Variants in PCDHA3 observed in about 807,000 individuals in gnomAD.
The protein encoded by PCDHA3 is protocadherin alpha-3.
PCDHA3 carries 41 observed loss-of-function variants against 62.2 expected under a neutral mutation model. That is an observed-to-expected ratio of 0.66 (90% CI 0.51 to 0.86). PCDHA3 has a LOEUF of 0.86. Among genes scored for constraint, PCDHA3 ranks in the 40% least tolerant of loss-of-function variants. PCDHA3 has a pLI of 0.00. For synonymous variants in PCDHA3, 640 were observed against 555.4 expected (o/e 1.15, Z -2.14); for missense variants, 1,304 against 1,241.2 (o/e 1.05, Z -0.76).
At chr5:140,858,173 C>G (rs782491809) in intron 1 of PCDHA3, 1 of 1,597,720 alleles carries the variant, frequency 6.3e-7, no homozygotes, top group Admixed American at 1.7e-5. Context: ...GTCCAGCTTG[C>G]TGGTGCTCAC....
At chr5:140,882,267 C>A in intron 1 of PCDHA3, 1 of 1,610,288 alleles carries the variant, frequency 6.2e-7, no homozygotes, top group Non-Finnish European at 8.5e-7. Context: ...TTGGAGTGTA[C>A]CATGCTGTCT....
intron 1 of PCDHA3, among the ~76,000 whole-genome samples, chr5:140,964,804 G>A (rs1484818069): frequency 6.6e-6 from 1 of 152,012 alleles, no homozygotes; most frequent in African/African-American, 2.4e-5. Context: ...CAAGAAAGGA[G>A]ACAGGAATAG....
chr5:140,843,295 G>A lies in PCDHA3; in HGVS notation c.2394+39704G>A, dbSNP rs2150356733. On this transcript the variant is annotated intron_variant, in intron 1 of 3. Transcript: ENST00000522353. ...TGGTGAAGGATCATGGTGAACCTGC[G>A]CTGACCGCCACGGCCACGGTTCTGG... is the stretch of plus-strand genomic sequence containing the variant. 8.4e-5 allele frequency: 134 copies of A among 1,595,834 alleles called. 14 individuals are homozygous for A. In the Admixed American group the frequency reaches 2.2e-3, roughly 27 times the overall value.
rs116072877 is a variant in PCDHA3 at position 140,927,686 on chromosome 5, A to G, written c.2395-51263A>G. On this transcript the variant is annotated intron_variant, in intron 1 of 3. Transcript: ENST00000522353. ...GCCTTGGATCCAGATGAAGGGTCCA[A>G]TGGGGAAGTCCAGTACTCCCTAAGC... 796 of 1,614,196 alleles carry G rather than the reference A, an allele frequency of 4.9e-4. 3 individuals carry two copies. The African/African-American group carries it at 7.7e-3, about 16-fold the overall frequency.
chr5:140,877,676 G>T (rs781985023), intron 1 of PCDHA3: 1 of 1,613,606 alleles, frequency 6.2e-7, no homozygotes, highest in South Asian at 1.1e-5. Context: ...TGCGCGCCGG[G>T]CAAGCCCACG....
In PCDHA3 at chr5:140,952,684, C is replaced by T. The variant is rs1165956619; in HGVS notation, c.2395-26265C>T. On this transcript the variant is annotated intron_variant, in intron 1 of 3. Coordinates refer to ENST00000522353, the MANE Select transcript of PCDHA3 (RefSeq NM_018906.3). The stretch of plus-strand genomic sequence containing the variant: ...AAAGTCACTTTCACATTTTCAGGAT[C>T]TTTATAGCAATATCCCACTCTCAGT... Among the ~76,000 whole-genome samples the T allele has an allele frequency of 2.0e-5, 3 of 152,308 alleles. No individual in the cohort carries two copies. The East Asian group carries it at 5.8e-4, about 29-fold the overall frequency.
intron 1 of PCDHA3, chr5:140,928,185 C>CA: frequency 1.2e-6 from 2 of 1,614,184 alleles, no homozygotes; most frequent in Non-Finnish European, 1.7e-6. Context: ...GAAGGACAAT[C>CA]ACTGTGTCAG....
intron 1 of PCDHA3, among the ~76,000 whole-genome samples, chr5:140,845,118 T>C (rs1779705774): frequency 6.7e-6 from 1 of 149,786 alleles, no homozygotes; most frequent in Non-Finnish European, 1.5e-5. Flanking sequence ...TGTCCATGTT[T>C]AGCATTTTAT....
chr5:140,996,691 C>A (rs150925396), intron 3 of PCDHA3, among the ~76,000 whole-genome samples: 217 of 152,274 alleles, frequency 1.4e-3, no homozygotes, highest in African/African-American at 5.0e-3. Context: ...TAGTATTCTT[C>A]TGAACCTCTA....
chr5:140,807,931 G>A, intron 1 of PCDHA3: 1 of 1,614,052 alleles, frequency 6.2e-7, no homozygotes, highest in Non-Finnish European at 8.5e-7. Context: ...CCATTTATAA[G>A]GTGAGATTAC....
chr5:140,982,488 G>C lies in PCDHA3; in HGVS notation c.2467G>C (p.Glu823Gln), dbSNP rs782419098. 3 of 1,614,212 alleles carry C rather than the reference G, an allele frequency of 1.9e-6. No individual in the cohort carries two copies. Among genetic ancestry groups the C allele is most frequent in the Non-Finnish European group, 2.5e-6 (3 of 1,180,036 alleles). The change falls in exon 3 of 4, where the codon GAG becomes CAG. Residue 823 changes from glutamate to glutamine, a missense_variant. Glu to Gln is a conservative substitution (Grantham distance 29). Coordinates refer to ENST00000522353, the MANE Select transcript of PCDHA3 (RefSeq NM_018906.3). ...RAGMHSSVHLEEAGILRAGPG... is the reference protein window; with the variant it reads ...RAGMHSSVHLQEAGILRAGPG... The stretch of plus-strand genomic sequence containing the variant: ...GTGTTTATTCAGCTCTGTGCACCTA[G>C]AGGAGGCTGGCATTCTACGGGCTGG...
intron 1 of PCDHA3, chr5:140,809,086 A>T: frequency 1.2e-6 from 2 of 1,613,938 alleles, no homozygotes; most frequent in Middle Eastern, 1.6e-4. Context: ...AGATCAGCAC[A>T]ACGCGTGCCC....
At chr5:140,925,641 T>TATAATAATAATAATA (rs10569930) in intron 1 of PCDHA3, among the ~76,000 whole-genome samples, 21 of 143,352 alleles carry the variant, frequency 1.5e-4, no homozygotes, top group East Asian at 6.1e-4. Context: ...GAACTTAAAG[T>TATAATAATAATAATA]ATAATAATAA....
chr5:140,995,401 G>A (rs576317630), intron 3 of PCDHA3, among the ~76,000 whole-genome samples: 7 of 152,238 alleles, frequency 4.6e-5, no homozygotes, highest in African/African-American at 1.4e-4. Context: ...GGGATGGCTC[G>A]AGATTTCATC....
chr5:140,826,446 T>G (rs1768942723), intron 1 of PCDHA3, among the ~76,000 whole-genome samples: 1 of 152,178 alleles, frequency 6.6e-6, no homozygotes, highest in South Asian at 2.1e-4. Context: ...AGAAAAGGCT[T>G]TGTGTCACAA....
At chr5:140,865,937 T>A (rs529378074) in intron 1 of PCDHA3, 1 of 152,330 alleles carries the variant, frequency 6.6e-6, no homozygotes, top group South Asian at 2.1e-4. Context: ...AGAAACTTCA[T>A]GATTGTCTTC....
intron 1 of PCDHA3, among the ~76,000 whole-genome samples, chr5:140,918,972 A>G (rs782748846): frequency 6.6e-5 from 10 of 152,184 alleles, no homozygotes; most frequent in Non-Finnish European, 1.3e-4. Flanking sequence ...GATATCGTTT[A>G]GGTTAGTTGG....
chr5:140,809,376 G>A (rs1554125172), intron 1 of PCDHA3: 1 of 1,614,034 alleles, frequency 6.2e-7, no homozygotes, highest in South Asian at 1.1e-5. Context: ...CCCACCGAGG[G>A]CGCGTGCGCT....
chr5:140,836,592 C>T (rs1554136107), intron 1 of PCDHA3: 4 of 1,613,726 alleles, frequency 2.5e-6, no homozygotes, highest in Non-Finnish European at 3.4e-6. Flanking sequence ...TTTGGTAAAG[C>T]CCACTCTGGT....
Sources: allele counts gnomAD v4.1 joint callset (sites outside exome capture counted in the v4.1 genomes callset), GRCh38; gene constraint gnomAD v4.1.1; transcripts MANE v1.5; gene names NCBI Gene and HGNC (gene_info 2026-07-23, HGNC 2026-07-21).